The following SEC11A variants were observed in gnomAD, a reference collection of about 807,000 sequenced individuals.
SEC11A encodes signal peptidase complex catalytic subunit SEC11A.
A neutral mutation model predicts 25.6 loss-of-function variants in SEC11A; 14 were observed. The ratio of observed to expected loss-of-function variants is 0.55; its 90% CI spans 0.36 to 0.85. The LOEUF (loss-of-function observed/expected upper bound fraction) is 0.85, where lower values mean the gene tolerates loss of function less well. Among genes scored for constraint, SEC11A ranks in the 40% least tolerant of loss-of-function variants. The pLI, the probability that SEC11A is intolerant of heterozygous loss-of-function variation, is 0.01. For missense variants in SEC11A, 153 were observed against 222.9 expected, an observed-to-expected ratio of 0.69 and a Z score of 2.00; for synonymous variants, 83 against 76.4, an observed-to-expected ratio of 1.09 and a Z score of -0.45.
intron 1 of SEC11A, among the ~76,000 whole-genome samples, chr15:84,695,302 A>G (rs1897735197): frequency 6.6e-6 from 1 of 151,508 alleles, no homozygotes; most frequent in African/African-American, 2.4e-5. Context: ...CATGTCTACT[A>G]AAAATACAAA....
chr15:84,691,641 AG>A lies in SEC11A; in HGVS notation c.54del (p.Tyr19IlefsTer5). 1 of 1,571,240 alleles carries A rather than the reference AG, an allele frequency of 6.4e-7. No individual in the cohort carries two copies. Among genetic ancestry groups the A allele is most frequent in the Non-Finnish European group, 8.8e-7 (1 of 1,141,400 alleles). ...DDVRRMNKRQ[L>X]YYQVLNFGMI... is the part of the protein sequence containing the mutation. ...ATTCCAAAATTTAGGACTTGATAATAGAGCTGCAAGAACAAAACAGAAGAGA... is the reference window on the plus strand; with the variant it reads ...ATTCCAAAATTTAGGACTTGATAATAAGCTGCAAGAACAAAACAGAAGAGA... On this transcript the variant is annotated frameshift_variant and splice_region_variant, in exon 2 of 6. Coordinates refer to ENST00000268220, the MANE Select transcript of SEC11A (RefSeq NM_014300.4). LOFTEE classifies it high-confidence loss of function.
At chr15:84,699,804 G>C (rs1030366716) in intron 1 of SEC11A, among the ~76,000 whole-genome samples, 9 of 151,872 alleles carry the variant, frequency 5.9e-5, no homozygotes, top group Non-Finnish European at 1.2e-4. Flanking sequence ...ACAAAAAAAA[G>C]AACTGGGAGT....
At chr15:84,697,463 T>C (rs568037389) in intron 1 of SEC11A, among the ~76,000 whole-genome samples, 1 of 152,156 alleles carries the variant, frequency 6.6e-6, no homozygotes, top group Non-Finnish European at 1.5e-5. Flanking sequence ...GAGGTTAAAG[T>C]TCCTGATTAT....
At chr15:84,695,232 G>A (rs1214873909) in intron 1 of SEC11A, among the ~76,000 whole-genome samples, 1 of 151,754 alleles carries the variant, frequency 6.6e-6, no homozygotes, top group Non-Finnish European at 1.5e-5. Flanking sequence ...GGAGGCCAAG[G>A]CGAGCAGATC....
chr15:84,707,181 CTTTTTTTTTTT>C (rs35694643), intron 1 of SEC11A, among the ~76,000 whole-genome samples: 1 of 91,646 alleles, frequency 1.1e-5, no homozygotes, highest in African/African-American at 4.1e-5. Flanking sequence ...TTGTGTGAGA[CTTTTTTTTTTT>C]TTTTTTTTTT....
chr15:84,677,621 C>T (rs1400825809), intron 4 of SEC11A, among the ~76,000 whole-genome samples: 1 of 151,714 alleles, frequency 6.6e-6, no homozygotes, highest in Admixed American at 6.6e-5. Context: ...TACAGGCACC[C>T]GCCACCACGC....
At chr15:84,702,192 G>A (rs1046346347) in intron 1 of SEC11A, among the ~76,000 whole-genome samples, 2 of 151,896 alleles carry the variant, frequency 1.3e-5, no homozygotes, top group Admixed American at 6.6e-5. Flanking sequence ...TGGGCGCAGT[G>A]GCTCACACCT....
In SEC11A at chr15:84,683,417, A is replaced by T. The variant is rs140378718; in HGVS notation, c.312-2585T>A. Among the ~76,000 whole-genome samples the T allele has an allele frequency of 8.7e-3, 1,288 of 147,670 alleles. 13 individuals carry two copies. The highest frequency in any genetic ancestry group is 0.03 in the African/African-American group (1,128 of 37,754). ...CAAACAAACAAACAAACAAACAAAC[A>T]AACAAACTAACTAACACACCCAATT... On this transcript the variant is annotated intron_variant, in intron 3 of 5. Coordinates refer to ENST00000268220, the MANE Select transcript of SEC11A (RefSeq NM_014300.4).
chr15:84,672,824 T>C (rs940077984), intron 4 of SEC11A: 3 of 208,020 alleles, frequency 1.4e-5, no homozygotes, highest in Non-Finnish European at 1.9e-5. Context: ...ATGAGGAGCG[T>C]CTCTGCCTGG....
At chr15:84,700,840 C>T (rs911057021) in intron 1 of SEC11A, among the ~76,000 whole-genome samples, 22 of 151,004 alleles carry the variant, frequency 1.5e-4, no homozygotes, top group Non-Finnish European at 2.9e-4. Flanking sequence ...ATTAGCCAGG[C>T]GTGGTGGCGC....
intron 3 of SEC11A, among the ~76,000 whole-genome samples, chr15:84,684,656 G>A (rs935949363): frequency 6.6e-6 from 1 of 152,164 alleles, no homozygotes; most frequent in Non-Finnish European, 1.5e-5. Context: ...ATGGGGCTGG[G>A]TGCAGTGGGT....
chr15:84,677,613 C>T (rs934387073), intron 4 of SEC11A, among the ~76,000 whole-genome samples: 48 of 151,810 alleles, frequency 3.2e-4, no homozygotes, highest in Admixed American at 5.3e-4. Context: ...ACTGGGACTA[C>T]AGGCACCCGC....
intron 1 of SEC11A, among the ~76,000 whole-genome samples, chr15:84,713,359 T>C (rs1233056467): frequency 6.6e-6 from 1 of 152,204 alleles, no homozygotes; most frequent in Admixed American, 6.5e-5. Context: ...AGAGAAGTTA[T>C]GCAAATAATA....
At chr15:84,691,020 C>T (rs1897588448) in intron 2 of SEC11A, among the ~76,000 whole-genome samples, 1 of 151,584 alleles carries the variant, frequency 6.6e-6, no homozygotes, top group African/African-American at 2.4e-5. Context: ...AGGTCATGAG[C>T]CCTTTGGAGT....
At chr15:84,710,687 T>C (rs1220845174) in intron 1 of SEC11A, among the ~76,000 whole-genome samples, 2 of 152,140 alleles carry the variant, frequency 1.3e-5, no homozygotes, top group Non-Finnish European at 2.9e-5. Flanking sequence ...TAGGATAAGA[T>C]TTGTAAACAA....
rs367730222 is a variant in SEC11A at position 84,716,127 on chromosome 15, G to T, written c.-52C>A. 1.3e-5 allele frequency: 21 copies of T among 1,564,218 alleles called. No homozygotes were observed. Among genetic ancestry groups the T allele is most frequent in the Admixed American group, 6.8e-5 (4 of 59,216 alleles). On this transcript the variant is annotated 5_prime_UTR_variant, in exon 1 of 6. Coordinates refer to ENST00000268220, the MANE Select transcript of SEC11A (RefSeq NM_014300.4). ...CAGGGGAAAGGGCGCGATGACCAGC[G>T]GGCGGAACTACTGGAGCTCGGGTCG...
chr15:84,677,249 G>C (rs943149293), intron 4 of SEC11A, among the ~76,000 whole-genome samples: 1 of 151,920 alleles, frequency 6.6e-6, no homozygotes, highest in Non-Finnish European at 1.5e-5. Flanking sequence ...TCCATTACGT[G>C]TCAAGCTCAG....
chr15:84,678,942 T>A (rs1254039849), intron 4 of SEC11A, among the ~76,000 whole-genome samples: 1 of 150,970 alleles, frequency 6.6e-6, no homozygotes, highest in Non-Finnish European at 1.5e-5. Flanking sequence ...TGCAGTGAGC[T>A]GAGATCATGC....
intron 4 of SEC11A, among the ~76,000 whole-genome samples, chr15:84,675,335 T>C (rs1006383614): frequency 2.0e-5 from 3 of 152,112 alleles, no homozygotes; most frequent in Non-Finnish European, 4.4e-5. Context: ...GAAAGCACTG[T>C]CTCCTGATGC....
Sources: allele counts gnomAD v4.1 joint callset (sites outside exome capture counted in the v4.1 genomes callset), GRCh38; gene constraint gnomAD v4.1.1; transcripts MANE v1.5; gene names NCBI Gene and HGNC (gene_info 2026-07-23, HGNC 2026-07-21).